Variants in HIVEP2 observed in about 807,000 individuals in gnomAD.
The protein encoded by HIVEP2 is transcription factor HIVEP2.
HIVEP2 carries 14 observed loss-of-function variants against 180.7 expected under a neutral mutation model. The ratio of observed to expected loss-of-function variants is 0.08; its 90% CI spans 0.05 to 0.12. The LOEUF is 0.12. Ranked by LOEUF, HIVEP2 falls within the 10% of genes least tolerant of loss-of-function variation. The pLI is 1.00. For synonymous variants in HIVEP2, 1,184 were observed against 1,136.4 expected (o/e 1.04, Z -0.84); for missense variants, 2,579 against 3,008.5 (o/e 0.86, Z 3.34).
intron 1 of HIVEP2, among the ~76,000 whole-genome samples, chr6:142,842,581 AAAG>A (rs1422283480): frequency 2.6e-5 from 4 of 152,176 alleles, no homozygotes; most frequent in Non-Finnish European, 5.9e-5. Context: ...AAGTCGAGTG[AAAG>A]AAGGAGTGAT....
At chr6:142,826,464 T>C (rs1774905185) in intron 2 of HIVEP2, among the ~76,000 whole-genome samples, 1 of 152,224 alleles carries the variant, frequency 6.6e-6, no homozygotes, top group Non-Finnish European at 1.5e-5. Flanking sequence ...TTTGGGGAAT[T>C]CCCTGAGGAT....
At chr6:142,931,417 AAAAT>A (rs1212052258) in intron 1 of HIVEP2, among the ~76,000 whole-genome samples, 1 of 152,136 alleles carries the variant, frequency 6.6e-6, no homozygotes, top group Non-Finnish European at 1.5e-5. Flanking sequence ...AATTTATACT[AAAAT>A]GACAATCATT....
At chr6:142,789,339 C>T (rs1776082714) in intron 2 of HIVEP2, among the ~76,000 whole-genome samples, 1 of 152,176 alleles carries the variant, frequency 6.6e-6, no homozygotes, top group African/African-American at 2.4e-5. Context: ...CAACATGTGT[C>T]CTTAAAACAC....
chr6:142,812,959 G>A lies in HIVEP2; in HGVS notation c.-528+23976C>T, dbSNP rs183215440. ...GACAAAATACTTGGCCCTACTTGAA[G>A]TCCACAATTCTGAAATTGTGTCTGA... On this transcript the variant is annotated intron_variant, in intron 2 of 9. Coordinates refer to ENST00000367603, the MANE Select transcript of HIVEP2 (RefSeq NM_006734.4). Among the ~76,000 whole-genome samples, 1,511 of 152,074 alleles carry A rather than the reference G, an allele frequency of 9.9e-3. 21 individuals carry two copies. The highest frequency in any genetic ancestry group is 0.014 in the Non-Finnish European group (973 of 68,012).
intron 2 of HIVEP2, among the ~76,000 whole-genome samples, chr6:142,797,308 T>C (rs914279005): frequency 6.6e-6 from 1 of 152,160 alleles, no homozygotes; most frequent in Non-Finnish European, 1.5e-5. Flanking sequence ...CACTCCAAAT[T>C]TATGTGAAAT....
intron 2 of HIVEP2, among the ~76,000 whole-genome samples, chr6:142,824,706 C>T (rs1774824514): frequency 6.6e-6 from 1 of 152,180 alleles, no homozygotes; most frequent in African/African-American, 2.4e-5. Context: ...CAGATCCAGT[C>T]CCAGAGGCTA....
At chr6:142,842,678 T>C (rs1775398429) in intron 1 of HIVEP2, among the ~76,000 whole-genome samples, 1 of 152,090 alleles carries the variant, frequency 6.6e-6, no homozygotes, top group South Asian at 2.1e-4. Flanking sequence ...GACTGCAAGA[T>C]GCCCACAAAT....
At chr6:142,895,148 T>C (rs1218750861) in intron 1 of HIVEP2, among the ~76,000 whole-genome samples, 1 of 152,210 alleles carries the variant, frequency 6.6e-6, no homozygotes, top group Non-Finnish European at 1.5e-5. Context: ...TTTAAATTTA[T>C]AGCCAGTTAC....
chr6:142,784,949 G>A (rs1054332300), intron 2 of HIVEP2, among the ~76,000 whole-genome samples: 2 of 151,864 alleles, frequency 1.3e-5, no homozygotes, highest in Non-Finnish European at 2.9e-5. Context: ...GTGCAGTGGC[G>A]CGATCTCGGC....
chr6:142,812,704 T>A (rs910966651), intron 2 of HIVEP2, among the ~76,000 whole-genome samples: 1 of 152,148 alleles, frequency 6.6e-6, no homozygotes, highest in Non-Finnish European at 1.5e-5. Flanking sequence ...GACAGTTTTT[T>A]AAAAACTGCA....
intron 1 of HIVEP2, among the ~76,000 whole-genome samples, chr6:142,902,324 CA>C (rs11335997): frequency 0.16 from 24,680 of 152,062 alleles, 2,827 homozygotes; most frequent in African/African-American, 0.32. Context: ...ATTCTGCCCC[CA>C]AAACCCATAA....
intron 2 of HIVEP2, among the ~76,000 whole-genome samples, chr6:142,835,147 C>A (rs972308684): frequency 6.6e-6 from 1 of 152,154 alleles, no homozygotes; most frequent in African/African-American, 2.4e-5. Context: ...ACTGTGAACT[C>A]CTAGTACCTG....
intron 2 of HIVEP2, among the ~76,000 whole-genome samples, chr6:142,824,858 AATAAAG>A (rs1774834151): frequency 6.6e-6 from 1 of 152,178 alleles, no homozygotes; most frequent in African/African-American, 2.4e-5. Context: ...ATTTGAAACC[AATAAAG>A]TCCATACATT....
chr6:142,918,462 C>A (rs1487866078), intron 1 of HIVEP2, among the ~76,000 whole-genome samples: 1 of 152,230 alleles, frequency 6.6e-6, no homozygotes, highest in Non-Finnish European at 1.5e-5. Flanking sequence ...GTCTTCCACC[C>A]TAAAGCTTTA....
At chr6:142,921,680 G>C (rs2128434607) in intron 1 of HIVEP2, among the ~76,000 whole-genome samples, 1 of 152,306 alleles carries the variant, frequency 6.6e-6, no homozygotes, top group East Asian at 1.9e-4. Context: ...CCCTACTGAG[G>C]ATTACAATCT....
rs754506466 is a variant in HIVEP2, at chr6:142,770,215, C to A, written c.4524G>T (p.Leu1508Phe). Residue 1508 changes from leucine to phenylalanine, a missense_variant, in exon 5 of 10, where the codon TTG becomes TTT. By Grantham distance (22) the Leu-to-Phe change is conservative. Transcript: ENST00000367603. The surrounding 1 kb of genome is among the most constrained non-coding windows in gnomAD (Gnocchi z 4.7). ...QGCASEPKDG[L>F]QSGSSSFSSL... is the part of the protein sequence containing the mutation. The stretch of plus-strand genomic sequence containing the variant: ...AGGAGAAGGAAGATGACCCTGACTG[C>A]AAGCCATCTTTTGGCTCAGAAGCAC... 2 of 1,614,228 alleles carry A rather than the reference C, an allele frequency of 1.2e-6. No individual in the cohort carries two copies. The highest frequency in any genetic ancestry group is 1.1e-5 in the South Asian group (1 of 91,086).
intron 1 of HIVEP2, among the ~76,000 whole-genome samples, chr6:142,846,532 T>C (rs1775519971): frequency 6.6e-6 from 1 of 152,220 alleles, no homozygotes; most frequent in African/African-American, 2.4e-5. Flanking sequence ...CCATCAATTC[T>C]GTTTAATTAG....
chr6:142,942,382 G>T (rs1220791623), intron 1 of HIVEP2, among the ~76,000 whole-genome samples: 1 of 152,048 alleles, frequency 6.6e-6, no homozygotes, highest in African/African-American at 2.4e-5. Context: ...CTTCTGAATA[G>T]TGACAAAGTG....
chr6:142,913,413 C>T (rs1347412324), intron 1 of HIVEP2, among the ~76,000 whole-genome samples: 1 of 152,168 alleles, frequency 6.6e-6, no homozygotes, highest in Non-Finnish European at 1.5e-5. Flanking sequence ...CTGGCTGTCC[C>T]CATGAAGACA....
Sources: gnomAD v4.1 joint callset for allele counts (sites outside exome capture counted in the v4.1 genomes callset) on GRCh38, gnomAD v4.1.1 for gene constraint, Gnocchi (gnomAD v3.1) non-coding constraint, MANE v1.5 for transcripts, NCBI Gene and HGNC (gene_info 2026-07-23, HGNC 2026-07-21) for gene names.